The following CSMD3 variants were observed in gnomAD, a reference collection of about 807,000 sequenced individuals.
The protein encoded by CSMD3 is CUB and Sushi multiple domains 3.
Under a neutral mutation model 435.2 loss-of-function variants are expected in CSMD3, and 177 were observed. That is an observed-to-expected ratio of 0.41 (90% confidence interval 0.36 to 0.46). The LOEUF (loss-of-function observed/expected upper bound fraction) is 0.46. Among genes scored for constraint, CSMD3 ranks in the 20% least tolerant of loss-of-function variants. The probability of loss-of-function intolerance (pLI) is 0.34; values close to 1 mark genes in which losing one functional copy is unlikely to be tolerated. For missense variants in CSMD3, 4,265 were observed against 4,504.6 expected (o/e 0.95, Z 1.52); for synonymous variants, 1,656 against 1,520.5 (o/e 1.09, Z -2.07).
intron 16 of CSMD3, among the ~76,000 whole-genome samples, chr8:112,669,234 A>T (rs1332142880): frequency 6.6e-6 from 1 of 151,954 alleles, no homozygotes; most frequent in African/African-American, 2.4e-5. Flanking sequence ...GGGTTTCGCC[A>T]TGGCCAGGCT....
chr8:112,553,562 T>C (rs1346252774), intron 25 of CSMD3, among the ~76,000 whole-genome samples: 2 of 152,066 alleles, frequency 1.3e-5, no homozygotes, highest in African/African-American at 4.8e-5. Flanking sequence ...TCTTTTGTGA[T>C]AGTTCTTGTT....
At chr8:112,286,947 T>C (rs1006689777) in intron 58 of CSMD3, 117 bp downstream of exon 58, 43 of 824,752 alleles carry the variant, frequency 5.2e-5, no homozygotes, top group Non-Finnish European at 8.5e-5. Context: ...CTGTTTTATT[T>C]CATAGTTGCA....
At chr8:112,272,059 T>A (rs1351090251) in intron 59 of CSMD3, among the ~76,000 whole-genome samples, 1 of 152,188 alleles carries the variant, frequency 6.6e-6, no homozygotes, top group East Asian at 1.9e-4. Flanking sequence ...CCTTTTGTCA[T>A]GTGAGGACAC....
chr8:112,817,826 T>C (rs1563990303), intron 12 of CSMD3, among the ~76,000 whole-genome samples: 3 of 152,144 alleles, frequency 2.0e-5, no homozygotes, highest in Non-Finnish European at 4.4e-5. Context: ...AAATTTAGCA[T>C]GGCGTATGAT....
chr8:112,690,072 G>T, intron 13 of CSMD3, 22 bp from the exon 14 acceptor site: 1 of 1,602,280 alleles, frequency 6.2e-7, no homozygotes, highest in Non-Finnish European at 8.5e-7. Flanking sequence ...GAAGATAAAA[G>T]TCACCTTCCA....
At chr8:113,424,417 C>G (rs950938938) in intron 1 of CSMD3, among the ~76,000 whole-genome samples, 6 of 151,612 alleles carry the variant, frequency 4.0e-5, no homozygotes, top group Non-Finnish European at 8.9e-5. Context: ...GAAAAAATTA[C>G]TAAATCTGTT....
intron 13 of CSMD3, among the ~76,000 whole-genome samples, chr8:112,724,687 T>A (rs1280000534): frequency 6.6e-6 from 1 of 152,054 alleles, no homozygotes; most frequent in Non-Finnish European, 1.5e-5. Flanking sequence ...GTGTAAAATG[T>A]GAGACTGCAT....
chr8:112,510,847 A>G (rs1229110866), intron 28 of CSMD3, among the ~76,000 whole-genome samples: 1 of 152,230 alleles, frequency 6.6e-6, no homozygotes, highest in Non-Finnish European at 1.5e-5. Flanking sequence ...TGCATACTAT[A>G]TATTTCATAA....
At chr8:112,978,414 C>A (rs1378660502) in intron 6 of CSMD3, among the ~76,000 whole-genome samples, 1 of 151,834 alleles carries the variant, frequency 6.6e-6, no homozygotes, top group African/African-American at 2.4e-5. Context: ...TCACTCAAGA[C>A]CTGCAGACCC....
chr8:113,254,061 T>C (rs571593309), intron 3 of CSMD3, among the ~76,000 whole-genome samples: 11 of 152,250 alleles, frequency 7.2e-5, no homozygotes, highest in East Asian at 5.8e-4. Flanking sequence ...AACATCCAAA[T>C]TGACATCACT....
intron 19 of CSMD3, among the ~76,000 whole-genome samples, chr8:112,648,502 A>T (rs755049567): frequency 2.0e-5 from 3 of 152,142 alleles, no homozygotes; most frequent in Non-Finnish European, 4.4e-5. Flanking sequence ...TCTCAAGGTT[A>T]AGGACATTGA....
intron 13 of CSMD3, among the ~76,000 whole-genome samples, chr8:112,742,462 A>G (rs1331653094): frequency 1.3e-5 from 2 of 151,992 alleles, no homozygotes; most frequent in Non-Finnish European, 2.9e-5. Context: ...GAAAGCTGTA[A>G]GGCTCTTTTT....
chr8:113,138,973 A>G (rs1469906694), intron 4 of CSMD3, among the ~76,000 whole-genome samples: 2 of 151,168 alleles, frequency 1.3e-5, no homozygotes, highest in Non-Finnish European at 3.0e-5. Context: ...CATTTGAAAT[A>G]TCATTAAACA....
chr8:112,948,019 A>C (rs2130799400), intron 8 of CSMD3, 142 bp from the exon 9 acceptor site: 1 of 557,760 alleles, frequency 1.8e-6, no homozygotes, highest in African/African-American at 1.9e-5. Context: ...GTTAAACTAT[A>C]ATTTTATAAA....
intron 38 of CSMD3, among the ~76,000 whole-genome samples, chr8:112,366,235 A>C (rs75525901): frequency 0.038 from 5,765 of 152,236 alleles, 358 homozygotes; most frequent in African/African-American, 0.13. Context: ...CAAGGAAAAT[A>C]CTGCTTATTA....
chr8:113,259,281 T>C (rs2093407828), intron 3 of CSMD3, among the ~76,000 whole-genome samples: 1 of 152,142 alleles, frequency 6.6e-6, no homozygotes, highest in Non-Finnish European at 1.5e-5. Flanking sequence ...TTTTCCCATG[T>C]TTGCACTTCT....
intron 13 of CSMD3, among the ~76,000 whole-genome samples, chr8:112,712,795 TAAA>T (rs200364867): frequency 3.8e-4 from 52 of 137,772 alleles, no homozygotes; most frequent in East Asian, 8.8e-4. Flanking sequence ...GAATCAAAAA[TAAA>T]AAAAAAAAAA....
chr8:112,786,615 A>T (rs929219357), intron 13 of CSMD3, among the ~76,000 whole-genome samples: 3 of 152,134 alleles, frequency 2.0e-5, no homozygotes, highest in African/African-American at 7.2e-5. Flanking sequence ...ATCTGAATAG[A>T]TATTTCTCAA....
chr8:112,459,581 G>C (rs186887017), intron 32 of CSMD3, among the ~76,000 whole-genome samples: 49 of 152,140 alleles, frequency 3.2e-4, no homozygotes, highest in South Asian at 2.5e-3. Flanking sequence ...TTAAGTACCA[G>C]GTGAATATTA....
Sources: gnomAD v4.1 joint callset for allele counts (sites outside exome capture counted in the v4.1 genomes callset) on GRCh38, gnomAD v4.1.1 for gene constraint, MANE v1.5 for transcripts, NCBI Gene and HGNC (gene_info 2026-07-23, HGNC 2026-07-21) for gene names.